The following HDAC9 variants were observed in gnomAD, a reference collection of about 807,000 sequenced individuals.
The protein encoded by HDAC9 is histone deacetylase 9.
A neutral mutation model predicts 139.4 loss-of-function variants in HDAC9; 41 were observed. The observed-to-expected ratio is 0.29, with a 90% CI of 0.23 to 0.38. The LOEUF (loss-of-function observed/expected upper bound fraction) is 0.38. Among genes scored for constraint, HDAC9 ranks in the 10% least tolerant of loss-of-function variants. The probability of loss-of-function intolerance (pLI) is 1.00; values close to 1 mark genes in which losing one functional copy is unlikely to be tolerated. For synonymous variants in HDAC9, 517 were observed against 476.2 expected (o/e 1.09, Z -1.12); for missense variants, 1,147 against 1,297.0 (o/e 0.88, Z 1.78).
chr7:18,432,194 C>T (rs1790741189), intron 1 of HDAC9, among the ~76,000 whole-genome samples: 2 of 152,204 alleles, frequency 1.3e-5, no homozygotes, highest in Admixed American at 1.3e-4. Context: ...TCAACAAATG[C>T]TTATTAAGTA....
At chr7:18,937,360 C>T (rs1325080253) in intron 23 of HDAC9, among the ~76,000 whole-genome samples, 1 of 151,914 alleles carries the variant, frequency 6.6e-6, no homozygotes, top group Non-Finnish European at 1.5e-5. Context: ...TTAGACAGCA[C>T]AGTAACTCAA....
At position 18,764,893 on chromosome 7, in the gene HDAC9, T is replaced by C. The variant is rs76761865; in HGVS notation, c.2165-2213T>C. Reference sequence around the variant, plus strand: ...TTCAGTATGATGAGACCTGTCAGTCTTTGTATCTTGAAAGACATCTATAGA... The same window carrying C: ...TTCAGTATGATGAGACCTGTCAGTCCTTGTATCTTGAAAGACATCTATAGA... On this transcript the variant is annotated intron_variant, in intron 15 of 25. Coordinates refer to ENST00000686413, the MANE Select transcript of HDAC9 (RefSeq NM_178425.4). Among the ~76,000 whole-genome samples, 1,360 of 150,850 alleles carry C rather than the reference T, an allele frequency of 9.0e-3. 14 individuals are homozygous for C. Among genetic ancestry groups the C allele is most frequent in the Non-Finnish European group, 0.013 (865 of 66,986 alleles).
At chr7:18,472,690 G>A (rs1207794439) in intron 1 of HDAC9, among the ~76,000 whole-genome samples, 1 of 152,124 alleles carries the variant, frequency 6.6e-6, no homozygotes, top group African/African-American at 2.4e-5. Context: ...AGCAAGAGAT[G>A]CCTTCTCAAC....
chr7:18,595,057 A>AT (rs1234685094), intron 6 of HDAC9, among the ~76,000 whole-genome samples: 1 of 152,052 alleles, frequency 6.6e-6, no homozygotes, highest in African/African-American at 2.4e-5. Context: ...TGCCGAAGCT[A>AT]TTTTTTGTCA....
intron 16 of HDAC9, among the ~76,000 whole-genome samples, chr7:18,785,189 A>G (rs984769797): frequency 1.1e-4 from 16 of 152,126 alleles, no homozygotes; most frequent in Admixed American, 1.0e-3. Context: ...TGTCACTAAC[A>G]TTTGTGACAC....
intron 2 of HDAC9, among the ~76,000 whole-genome samples, chr7:18,267,597 G>C (rs185398572): frequency 6.4e-4 from 97 of 152,130 alleles, no homozygotes; most frequent in African/African-American, 2.3e-3. Context: ...ATCTAGTTTT[G>C]TCCATGTTGT....
intron 1 of HDAC9, among the ~76,000 whole-genome samples, chr7:18,158,926 G>A (rs1787422043): frequency 6.6e-6 from 1 of 152,182 alleles, no homozygotes; most frequent in Non-Finnish European, 1.5e-5. Flanking sequence ...ATATATTACA[G>A]TAGTAACGTA....
chr7:18,692,507 A>C (rs1213200718), intron 12 of HDAC9, among the ~76,000 whole-genome samples: 1 of 152,150 alleles, frequency 6.6e-6, no homozygotes, highest in Non-Finnish European at 1.5e-5. Context: ...ACAAAACTGA[A>C]GTGAACTGTA....
intron 2 of HDAC9, among the ~76,000 whole-genome samples, chr7:18,225,897 A>T (rs1793021767): frequency 6.6e-6 from 1 of 152,164 alleles, no homozygotes; most frequent in Non-Finnish European, 1.5e-5. Flanking sequence ...ATTAAGTCAT[A>T]CTTAGAGTAT....
chr7:18,801,965 A>C (rs918427249), intron 17 of HDAC9, among the ~76,000 whole-genome samples: 6 of 151,906 alleles, frequency 3.9e-5, no homozygotes, highest in Middle Eastern at 3.4e-3. Context: ...TTCTTGATCA[A>C]CTCTGTCAGA....
chr7:18,365,615 G>C (rs906734729), intron 1 of HDAC9, among the ~76,000 whole-genome samples: 3 of 149,306 alleles, frequency 2.0e-5, no homozygotes, highest in South Asian at 4.3e-4. Flanking sequence ...TTTTTGAAAG[G>C]CTTGACTTTT....
intron 1 of HDAC9, among the ~76,000 whole-genome samples, chr7:18,347,692 G>T (rs1782527311): frequency 1.3e-5 from 2 of 152,050 alleles, no homozygotes; most frequent in Non-Finnish European, 2.9e-5. Context: ...CTGCCTCCCA[G>T]ATTTAAGTGA....
chr7:18,608,970 G>A (rs570658768), intron 6 of HDAC9, among the ~76,000 whole-genome samples: 5 of 152,234 alleles, frequency 3.3e-5, no homozygotes, highest in African/African-American at 4.8e-5. Flanking sequence ...CAAGCCACCC[G>A]AGGAATATAG....
At position 18,394,962 on chromosome 7, in the gene HDAC9, A is replaced by G. The variant is rs147084874; in HGVS notation, c.-41-101300A>G. Reference sequence around the variant, plus strand: ...AATAAGACAAAACTTCCACTGAGTTAAATACACAAGTATTCAGACATTTAA... The same window carrying G: ...AATAAGACAAAACTTCCACTGAGTTGAATACACAAGTATTCAGACATTTAA... On this transcript the variant is annotated intron_variant, in intron 1 of 3. Coordinates refer to the HDAC9 transcript ENST00000413509. Among the ~76,000 whole-genome samples, 6 of 152,322 alleles carry G rather than the reference A, an allele frequency of 3.9e-5. No individual in the cohort carries two copies. The East Asian group carries it at 9.6e-4, about 24-fold the overall frequency.
At chr7:18,263,646 T>C (rs1411476770) in intron 2 of HDAC9, among the ~76,000 whole-genome samples, 2 of 151,554 alleles carry the variant, frequency 1.3e-5, no homozygotes, top group African/African-American at 4.9e-5. Flanking sequence ...TCTTGCTCTG[T>C]CACCTAGGCT....
intron 17 of HDAC9, among the ~76,000 whole-genome samples, chr7:18,816,222 A>G (rs781432538): frequency 1.1e-4 from 17 of 152,362 alleles, no homozygotes; most frequent in Middle Eastern, 3.4e-3. Flanking sequence ...TTTAGTAGAC[A>G]TATGCATTTA....
In HDAC9 at chr7:18,935,949, A is replaced by T; in HGVS notation, c.2937+7A>T. On this transcript the variant is annotated splice_region_variant and intron_variant, in intron 23 of 25. Transcript: ENST00000686413. ...TGCCCTTCTAGGAAATGAGGTAAAA[A>T]AGTAAAAGTACAAAGGGGCAGGGGT... is the stretch of plus-strand genomic sequence containing the variant. The T allele has an allele frequency of 6.2e-7, 1 of 1,611,630 alleles. No homozygotes were observed. Among genetic ancestry groups the T allele is most frequent in the Non-Finnish European group, 8.5e-7 (1 of 1,178,232 alleles).
chr7:18,974,225 T>C (rs1019788751), intron 24 of HDAC9, among the ~76,000 whole-genome samples: 2 of 152,218 alleles, frequency 1.3e-5, no homozygotes, highest in African/African-American at 4.8e-5. Flanking sequence ...AATCAAGACA[T>C]CAGGATGATC....
chr7:18,831,535 G>A (rs1428244341), intron 19 of HDAC9, among the ~76,000 whole-genome samples: 2 of 152,130 alleles, frequency 1.3e-5, no homozygotes, highest in Non-Finnish European at 2.9e-5. Flanking sequence ...TAGACGAGAA[G>A]TTTTTGTTTC....
Sources: allele counts gnomAD v4.1 joint callset (sites outside exome capture counted in the v4.1 genomes callset), GRCh38; gene constraint gnomAD v4.1.1; transcripts MANE v1.5; gene names NCBI Gene and HGNC (gene_info 2026-07-23, HGNC 2026-07-21).